The following NKD2 variants were observed in gnomAD, a reference collection of about 807,000 sequenced individuals.
NKD2 encodes protein naked cuticle homolog 2.
In NKD2, 43 loss-of-function variants were observed where a neutral mutation model predicts 34.8. The observed-to-expected ratio is 1.24, with a 90% CI of 0.97 to 1.60. The LOEUF (loss-of-function observed/expected upper bound fraction) is 1.60. Among genes scored for constraint, NKD2 ranks in the 40% most tolerant of loss-of-function variants. NKD2 has a pLI of 0.00. For missense variants in NKD2, 675 were observed against 627.1 expected, an observed-to-expected ratio of 1.08 and a Z score of -0.82; for synonymous variants, 278 against 265.1, an observed-to-expected ratio of 1.05 and a Z score of -0.47.
chr5:1,015,394 C>T (rs1029951378), intron 3 of NKD2, among the ~76,000 whole-genome samples: 4 of 152,214 alleles, frequency 2.6e-5, no homozygotes, highest in Admixed American at 1.3e-4. Flanking sequence ...CCACACTTTA[C>T]GGAAGCGGTA....
chr5:1,033,462 G>GCCCGCGAGGA lies in NKD2; in HGVS notation c.296_305dup (p.Gly103AlafsTer11), dbSNP rs1168535352. 6.4e-7 allele frequency: 1 copy of GCCCGCGAGGA among 1,558,210 alleles called. No homozygotes were observed. The highest frequency in any genetic ancestry group is 8.7e-7 in the Non-Finnish European group (1 of 1,151,690). ...GGAGAGAGGGCAGCAAACCGCGAGG[G>GCCCGCGAGGA]CCCGCGAGGACCGGGCGGGCAGCGC... On this transcript the variant is annotated frameshift_variant, in exon 5 of 10. Transcript: ENST00000296849. LOFTEE classifies it high-confidence loss of function.
At chr5:1,021,587 A>C (rs1381171495) in intron 3 of NKD2, among the ~76,000 whole-genome samples, 1 of 151,774 alleles carries the variant, frequency 6.6e-6, no homozygotes, top group Non-Finnish European at 1.5e-5. Context: ...TAAGCCCGTA[A>C]AACTACATTG....
At chr5:1,021,103 C>T (rs1443609825) in intron 3 of NKD2, among the ~76,000 whole-genome samples, 1 of 152,170 alleles carries the variant, frequency 6.6e-6, no homozygotes, top group Non-Finnish European at 1.5e-5. Context: ...AGAACTCTGG[C>T]TTGTGAGGAC....
At chr5:1,034,412 G>T (rs1733719990) in intron 6 of NKD2, 82 bp downstream of exon 6, 2 of 1,127,330 alleles carry the variant, frequency 1.8e-6, no homozygotes, top group East Asian at 2.4e-5. Context: ...CGATACCTCA[G>T]GGGGCAGGAG....
intron 3 of NKD2, among the ~76,000 whole-genome samples, chr5:1,022,370 C>T (rs1430947425): frequency 5.6e-4 from 43 of 76,832 alleles, no homozygotes; most frequent in South Asian, 2.7e-3. Flanking sequence ...CTGCTCTTCC[C>T]ACCCGCTGTG....
At position 1,033,491 on chromosome 5, in the gene NKD2, A is replaced by G; in HGVS notation, c.322A>G (p.Asn108Asp). 1 of 1,549,280 alleles carries G rather than the reference A, an allele frequency of 6.5e-7. No individual in the cohort carries two copies. The highest frequency in any genetic ancestry group is 8.7e-7 in the Non-Finnish European group (1 of 1,146,118). Residue 108 changes from asparagine (N) to aspartate (D), a missense_variant, in exon 5 of 10, where the codon AAC becomes GAC. Asn to Asp is a conservative substitution (Grantham distance 23, BLOSUM62 1). Transcript: ENST00000296849. ...GCGAGGACCGGGCGGGCAGCGCCTC[A>G]ACATTGACGTGGGTCTCTCTCCGGC... ...GPRGPGGQRLNIDALQCDVSV... is the reference protein window; with the variant it reads ...GPRGPGGQRLDIDALQCDVSV...
At chr5:1,019,331 C>T (rs58621278) in intron 3 of NKD2, among the ~76,000 whole-genome samples, 233 of 152,288 alleles carry the variant, frequency 1.5e-3, no homozygotes, top group African/African-American at 5.3e-3. Flanking sequence ...AACAAAGATG[C>T]GCGTGGTCTT....
chr5:1,015,705 A>T (rs898842448), intron 3 of NKD2, among the ~76,000 whole-genome samples: 1 of 152,214 alleles, frequency 6.6e-6, no homozygotes, highest in African/African-American at 2.4e-5. Context: ...TGCCGCCAGC[A>T]TTTCAGGGTG....
In NKD2 at chr5:1,038,766, T is replaced by C. The variant is rs1734160546; in HGVS notation, c.*393T>C. The C allele has an allele frequency of 1.6e-5, 7 of 447,380 alleles. No homozygotes were observed. The South Asian group carries it at 1.7e-4, about 11-fold the overall frequency. 27.7% of individuals were successfully genotyped at this position (447,380 alleles called of 1,614,324 possible). A position where few individuals can be genotyped will look rare whatever the true frequency, so the allele number is the denominator to read the frequency against. On this transcript the variant is annotated 3_prime_UTR_variant, in exon 10 of 10. Transcript: ENST00000296849. The surrounding 1 kb of genome is among the most constrained non-coding windows in gnomAD (Gnocchi z 4.5). ...GCTTCAAGGGGTGACTGCTGTAGGC[T>C]GTCCCAGTGCGAGGCCGGGAGCGAA...
chr5:1,020,079 A>G (rs1435235465), intron 3 of NKD2, among the ~76,000 whole-genome samples: 1 of 152,154 alleles, frequency 6.6e-6, no homozygotes, highest in Non-Finnish European at 1.5e-5. Flanking sequence ...TTTCTGTGAC[A>G]TTGGGGATCG....
At chr5:1,037,487 T>C in intron 9 of NKD2, 4 of 1,529,836 alleles carry the variant, frequency 2.6e-6, no homozygotes, top group East Asian at 2.5e-5. Flanking sequence ...CTCCCTGATA[T>C]AACCTGGCTT....
rs376557535 is a variant in NKD2, at chr5:1,036,306, G to A, written c.709G>A (p.Val237Met). The A allele has an allele frequency of 1.2e-5, 19 of 1,612,764 alleles. No homozygotes were observed. Among genetic ancestry groups the A allele is most frequent in the Admixed American group, 1.7e-5 (1 of 59,996 alleles). The change falls in exon 9 of 10, where the codon GTG (valine) becomes ATG (methionine). Residue 237 changes from valine to methionine, a missense_variant. Val to Met is a conservative substitution (Grantham distance 21, BLOSUM62 1). Coordinates refer to ENST00000296849, the MANE Select transcript of NKD2 (RefSeq NM_033120.4). ...CTGCTCGGAGCGGGGGCCCTACTGC[G>A]TGGACGAGAACACGGAGCGCAGAAA... ...QPCSERGPYC[V>M]DENTERRNHY... is the part of the protein sequence containing the mutation.
intron 3 of NKD2, among the ~76,000 whole-genome samples, chr5:1,024,138 A>T (rs1756307639): frequency 3.2e-4 from 1 of 3,158 alleles, no homozygotes; most frequent in African/African-American, 3.5e-4. Context: ...TGCTCTTCCC[A>T]CCCTCTGTGG....
chr5:1,031,516 G>T (rs1756643703), intron 3 of NKD2, among the ~76,000 whole-genome samples: 1 of 152,024 alleles, frequency 6.6e-6, no homozygotes, highest in Non-Finnish European at 1.5e-5. Flanking sequence ...TGTGTGCTGG[G>T]CCGAGGGGCT....
At position 1,009,916 on chromosome 5, in the gene NKD2, A is replaced by AGAC. The variant is rs1755684315; in HGVS notation, c.141+357_141+358insACG. ...TGGGGGTCCCGGGGAGCGGGAATGC[A>AGAC]GTACCCCGGCTGGATGAGCTGGAGG... On this transcript the variant is annotated intron_variant, in intron 3 of 9. Transcript: ENST00000296849. The surrounding 1 kb of genome is among the most constrained non-coding windows in gnomAD (Gnocchi z 6.9). Among the ~76,000 whole-genome samples the AGAC allele has an allele frequency of 6.6e-6, 1 of 152,070 alleles. No homozygotes were observed. Among genetic ancestry groups the AGAC allele is most frequent in the Non-Finnish European group, 1.5e-5 (1 of 68,000 alleles).
Position 1,036,331 on chromosome 5 carries a change from A to G in NKD2, c.734A>G (p.Asn245Ser). ...YCVDENTERR[N>S]HYLDLAGIEN... ...GTGGACGAGAACACGGAGCGCAGAAACCACTACCTGGACCTCGCCGGGATT... is the reference window on the plus strand; with the variant it reads ...GTGGACGAGAACACGGAGCGCAGAAGCCACTACCTGGACCTCGCCGGGATT... The change falls in exon 9 of 10, where the codon AAC becomes AGC. Residue 245 changes from asparagine (N) to serine (S), a missense_variant. By Grantham distance (46) the Asn-to-Ser change is conservative. Transcript: ENST00000296849. The G allele has an allele frequency of 1.2e-6, 2 of 1,612,942 alleles. No homozygotes were observed. Among genetic ancestry groups the G allele is most frequent in the Non-Finnish European group, 1.7e-6 (2 of 1,179,844 alleles).
intron 3 of NKD2, among the ~76,000 whole-genome samples, chr5:1,015,400 C>T (rs1312983161): frequency 6.6e-6 from 1 of 152,182 alleles, no homozygotes; most frequent in African/African-American, 2.4e-5. Flanking sequence ...TTTACGGAAG[C>T]GGTAGTTCTT....
chr5:1,026,659 C>T (rs1453184238), intron 3 of NKD2, among the ~76,000 whole-genome samples: 1 of 152,260 alleles, frequency 6.6e-6, no homozygotes, highest in Admixed American at 6.5e-5. Context: ...CACCCTCAGC[C>T]TTTTCCTGAG....
intron 3 of NKD2, among the ~76,000 whole-genome samples, chr5:1,028,238 G>A (rs535373068): frequency 1.3e-5 from 2 of 152,262 alleles, no homozygotes; most frequent in South Asian, 4.1e-4. Flanking sequence ...GTGGCCTCGG[G>A]GTGGTTGGCT....
Sources: allele counts gnomAD v4.1 joint callset (sites outside exome capture counted in the v4.1 genomes callset), GRCh38; gene constraint gnomAD v4.1.1; non-coding constraint Gnocchi (gnomAD v3.1); transcripts MANE v1.5; gene names NCBI Gene and HGNC (gene_info 2026-07-23, HGNC 2026-07-21).